Variants in ANTXR1 observed in about 807,000 individuals in gnomAD.
ANTXR1 encodes ANTXR cell adhesion molecule 1, also known as anthrax toxin receptor 1.
In ANTXR1, 19 loss-of-function variants were observed where a neutral mutation model predicts 78.1. The observed-to-expected ratio is 0.24, with a 90% CI of 0.17 to 0.36. The LOEUF (loss-of-function observed/expected upper bound fraction) is 0.36. Among genes scored for constraint, ANTXR1 ranks in the 10% least tolerant of loss-of-function variants. ANTXR1 has a pLI of 1.00. For missense variants in ANTXR1, 518 were observed against 718.6 expected (o/e 0.72, Z 3.19); for synonymous variants, 273 against 260.5 (o/e 1.05, Z -0.46).
intron 14 of ANTXR1, among the ~76,000 whole-genome samples, chr2:69,175,695 G>T (rs576732341): frequency 2.6e-5 from 4 of 152,242 alleles, no homozygotes; most frequent in Middle Eastern, 3.4e-3. Context: ...GGGCGGGTGA[G>T]AGTGGGAAAG....
intron 11 of ANTXR1, among the ~76,000 whole-genome samples, chr2:69,124,257 T>G (rs1246056607): frequency 6.6e-6 from 1 of 152,216 alleles, no homozygotes; most frequent in Non-Finnish European, 1.5e-5. Flanking sequence ...GACAAGCAAG[T>G]TAAATGAAAG....
chr2:69,076,644 T>C (rs746722520), intron 7 of ANTXR1, among the ~76,000 whole-genome samples: 4 of 152,192 alleles, frequency 2.6e-5, no homozygotes, highest in Non-Finnish European at 5.9e-5. Context: ...CTAATAAAGA[T>C]AGATAGATGA....
chr2:69,132,596 C>G (rs1672783403), intron 12 of ANTXR1, among the ~76,000 whole-genome samples: 2 of 152,234 alleles, frequency 1.3e-5, no homozygotes, highest in Admixed American at 1.3e-4. Context: ...TTATTGCGTA[C>G]TCTTCAGAGA....
chr2:69,017,350 C>T (rs1186251796), intron 1 of ANTXR1, among the ~76,000 whole-genome samples: 1 of 152,142 alleles, frequency 6.6e-6, no homozygotes, highest in Non-Finnish European at 1.5e-5. Context: ...TAGATCCTTT[C>T]GCTGGCAAGA....
At chr2:69,167,663 A>C (rs2104448485) in intron 13 of ANTXR1, among the ~76,000 whole-genome samples, 1 of 152,320 alleles carries the variant, frequency 6.6e-6, no homozygotes, top group Non-Finnish European at 1.5e-5. Flanking sequence ...ATGGGCTTGA[A>C]GCAATGAGAA....
chr2:69,185,359 G>A (rs911077004), intron 16 of ANTXR1, among the ~76,000 whole-genome samples: 3 of 152,014 alleles, frequency 2.0e-5, no homozygotes, highest in Non-Finnish European at 4.4e-5. Context: ...GGCCAACATG[G>A]TGAAACCCTG....
In ANTXR1 at chr2:69,248,095, A is replaced by G. The variant is rs568758767; in HGVS notation, c.*2610A>G. On this transcript the variant is annotated 3_prime_UTR_variant, in exon 18 of 18. Transcript: ENST00000303714. ...GGCAGGAAAATGTTTTAACTGGTTT[A>G]CAAAATCCATCAATACTTGTGTCAT... 1.2e-5 allele frequency: 2 copies of G among 167,202 alleles called. No homozygotes were observed. The highest frequency in any genetic ancestry group is 1.3e-4 in the Admixed American group (2 of 15,314). The allele number at this position is 167,202 out of a possible 1,614,324, so 10.4% of individuals were successfully genotyped here.
chr2:69,202,987 ATTATT>A (rs986009680), intron 17 of ANTXR1, among the ~76,000 whole-genome samples: 3 of 152,216 alleles, frequency 2.0e-5, no homozygotes, highest in Non-Finnish European at 4.4e-5. Context: ...TTTTCTCAGA[ATTATT>A]TTATGTTCAA....
At chr2:69,230,803 T>C (rs1675576712) in intron 17 of ANTXR1, among the ~76,000 whole-genome samples, 1 of 152,210 alleles carries the variant, frequency 6.6e-6, no homozygotes. Flanking sequence ...CAATCTATAT[T>C]TCTTTTAACT....
At chr2:69,241,194 G>A (rs916498143) in intron 17 of ANTXR1, among the ~76,000 whole-genome samples, 9 of 152,174 alleles carry the variant, frequency 5.9e-5, no homozygotes, top group African/African-American at 1.7e-4. Flanking sequence ...GTTATGAAGC[G>A]AGAGTTCCAA....
intron 17 of ANTXR1, among the ~76,000 whole-genome samples, chr2:69,243,293 G>C (rs866215292): frequency 6.6e-6 from 1 of 152,220 alleles, no homozygotes; most frequent in African/African-American, 2.4e-5. Flanking sequence ...GAGGCTGTGA[G>C]TTGTGGAGCA....
intron 17 of ANTXR1, among the ~76,000 whole-genome samples, chr2:69,225,370 C>T (rs1473799213): frequency 6.6e-6 from 1 of 152,170 alleles, no homozygotes; most frequent in Non-Finnish European, 1.5e-5. Context: ...GTCCCAGCTA[C>T]TCGGGAGGCC....
At position 69,123,027 on chromosome 2, in the gene ANTXR1, C is replaced by T. The variant is rs1173710139; in HGVS notation, c.813C>T (p.Pro271=). 6.2e-7 allele frequency: 1 copy of T among 1,614,102 alleles called. No individual in the cohort carries two copies. The highest frequency in any genetic ancestry group is 2.2e-5 in the East Asian group (1 of 44,886). The change falls in exon 11 of 18, where the codon CCC becomes CCT. Residue 271 remains proline (P), a synonymous_variant. Coordinates refer to ENST00000303714, the MANE Select transcript of ANTXR1 (RefSeq NM_032208.3). ...INDSVTLNEK[P]FSVEDTYLLC... ...ATTTCCTTTTTGCAGATGAGAAGCC[C>T]TTTTCTGTGGAAGATACTTATTTAC... is the stretch of plus-strand genomic sequence containing the variant.
chr2:69,100,752 A>G (rs1028950920), intron 9 of ANTXR1, among the ~76,000 whole-genome samples: 3 of 152,234 alleles, frequency 2.0e-5, no homozygotes, highest in East Asian at 3.8e-4. Flanking sequence ...ATAGGTTTCT[A>G]TAGGCTTAAC....
rs369388284 is a variant in ANTXR1, at chr2:69,013,591, G to A, written c.92G>A (p.Arg31His). The stretch of plus-strand genomic sequence containing the variant: ...CTCATCTGCGCCGGGCAAGGGGGAC[G>A]CAGGGAGGATGGGGGTCCAGCCTGC... ...LVLICAGQGG[R>H]REDGGPACYG... The change falls in exon 1 of 18, where the codon CGC becomes CAC. Residue 31 changes from arginine to histidine, a missense_variant. Arg to His is a conservative substitution (Grantham distance 29, BLOSUM62 0). This residue lies in a region of ANTXR1 where 55 missense variants were observed against 52.5 expected (regional missense o/e 1.05). Coordinates refer to ENST00000303714, the MANE Select transcript of ANTXR1 (RefSeq NM_032208.3). This position sits in a 1 kb window ranked among gnomAD's most constrained non-coding sequence, Gnocchi z 5.0. The A allele has an allele frequency of 1.6e-5, 25 of 1,564,818 alleles. No homozygotes were observed. Among genetic ancestry groups the A allele is most frequent in the Non-Finnish European group, 2.0e-5 (23 of 1,153,928 alleles).
chr2:69,135,566 A>T (rs964092066), intron 12 of ANTXR1, among the ~76,000 whole-genome samples: 1 of 152,182 alleles, frequency 6.6e-6, no homozygotes, highest in African/African-American at 2.4e-5. Flanking sequence ...TTATCAGGCA[A>T]ATACCAAAAG....
At chr2:69,219,421 A>ACACACACC (rs1305493104) in intron 17 of ANTXR1, among the ~76,000 whole-genome samples, 6 of 150,210 alleles carry the variant, frequency 4.0e-5, no homozygotes, top group African/African-American at 9.9e-5. Context: ...ACACACACAC[A>ACACACACC]CCCTACTGAT....
chr2:69,120,601 G>A (rs1672315019), intron 10 of ANTXR1, among the ~76,000 whole-genome samples: 1 of 152,170 alleles, frequency 6.6e-6, no homozygotes, highest in African/African-American at 2.4e-5. Context: ...CCGGGAGGCA[G>A]AGGTTGCAGT....
chr2:69,075,725 T>A (rs2104227230), intron 7 of ANTXR1, 67 bp downstream of exon 7: 2 of 1,419,148 alleles, frequency 1.4e-6, no homozygotes, highest in East Asian at 4.5e-5. Context: ...ACATGTTCAG[T>A]CAGTGCAGAG....
Sources: gnomAD v4.1 joint callset for allele counts (sites outside exome capture counted in the v4.1 genomes callset) on GRCh38, gnomAD v4.1.1 for gene constraint, gnomAD v4.1.1 regional missense constraint, Gnocchi (gnomAD v3.1) non-coding constraint, MANE v1.5 for transcripts, NCBI Gene and HGNC (gene_info 2026-07-23, HGNC 2026-07-21) for gene names.